C16orf96: variants seen among roughly 807,000 people sequenced by gnomAD.
C16orf96 encodes uncharacterized protein C16orf96.
In C16orf96, 108 loss-of-function variants were observed where a neutral mutation model predicts 103.6. The observed-to-expected ratio is 1.04, with a 90% confidence interval of 0.89 to 1.22. C16orf96 has a LOEUF of 1.22. Among genes scored for constraint, C16orf96 ranks in the 50% most tolerant of loss-of-function variants. The probability of loss-of-function intolerance (pLI) is 0.00; values close to 1 mark genes in which losing one functional copy is unlikely to be tolerated. For missense variants in C16orf96, 1,586 were observed against 1,464.2 expected, an observed-to-expected ratio of 1.08 and a Z score of -1.36; for synonymous variants, 566 against 593.5, an observed-to-expected ratio of 0.95 and a Z score of 0.67.
chr16:4,575,217 A>G lies in C16orf96; in HGVS notation c.737A>G (p.Gln246Arg), dbSNP rs1022561873. The change falls in exon 5 of 16, where the codon CAG (glutamine) becomes CGG (arginine). Residue 246 changes from glutamine (Q) to arginine (R), a missense_variant. Coordinates refer to ENST00000444310, the MANE Select transcript of C16orf96 (RefSeq NM_001145011.2). ...SPLDLWQSVE[Q>R]LPEAALAQTT... ...CTGGACCTGTGGCAGTCTGTAGAGC[A>G]GCTCCCAGAGGCTGCCCTGGCCCAG... The G allele has an allele frequency of 2.6e-6, 4 of 1,547,640 alleles. No homozygotes were observed. The highest frequency in any genetic ancestry group is 3.5e-6 in the Non-Finnish European group (4 of 1,146,962).
intron 7 of C16orf96, among the ~76,000 whole-genome samples, chr16:4,583,257 T>TTGGGAGG (rs1349547752): frequency 6.6e-6 from 1 of 150,448 alleles, no homozygotes; most frequent in Non-Finnish European, 1.5e-5. Context: ...TCTCAGCACT[T>TTGGGAGG]TGGGAGGCCA....
rs188168000 is a variant in C16orf96 at position 4,592,012 on chromosome 16, C to A, written c.2711+228C>A. Among the ~76,000 whole-genome samples the A allele has an allele frequency of 5.9e-3, 904 of 152,288 alleles. 5 individuals carry two copies. The highest frequency in any genetic ancestry group is 9.0e-3 in the Admixed American group (137 of 15,304). On this transcript the variant is annotated intron_variant, in intron 10 of 15. Coordinates refer to ENST00000444310, the MANE Select transcript of C16orf96 (RefSeq NM_001145011.2). ...ACCAAGGCTCAGAGAGGGAAGGGGA[C>A]TGGGCAGATCCAGGACCCCTGACCC...
intron 1 of C16orf96, among the ~76,000 whole-genome samples, chr16:4,558,640 C>T (rs2059293279): frequency 6.7e-6 from 1 of 149,600 alleles, no homozygotes; most frequent in African/African-American, 2.4e-5. Context: ...TTTGGCCAGG[C>T]ACAGTGGCGC....
chr16:4,575,189 C>T lies in C16orf96; in HGVS notation c.709C>T (p.Pro237Ser). ...AMFTSEIGSS[P>S]LDLWQSVEQL... is the part of the protein sequence containing the mutation. Reference sequence around the variant, plus strand: ...TCTTCTGCAGGAAATTGGTTCATCACCACTGGACCTGTGGCAGTCTGTAGA... The same window carrying T: ...TCTTCTGCAGGAAATTGGTTCATCATCACTGGACCTGTGGCAGTCTGTAGA... The change falls in exon 5 of 16, where the codon CCA (proline) becomes TCA (serine). Residue 237 changes from proline (P) to serine (S), a missense_variant. Pro to Ser is a moderately conservative substitution (Grantham distance 74). Coordinates refer to ENST00000444310, the MANE Select transcript of C16orf96 (RefSeq NM_001145011.2). The T allele has an allele frequency of 6.5e-7, 1 of 1,546,610 alleles. No homozygotes were observed.
At chr16:4,554,908 C>T (rs1297472619), upstream of C16orf96, among the ~76,000 whole-genome samples, 1 of 151,902 alleles carries the variant, frequency 6.6e-6, no homozygotes, top group East Asian at 2.0e-4. Context: ...GGATTACAGG[C>T]GTGAGCCACC....
At chr16:4,547,689 C>CTTTCTTTCTTTCTTTCTTTCTTTCTTTCT in the C16orf96 span, among the ~76,000 whole-genome samples, 3 of 22,592 alleles carry the variant, frequency 1.3e-4, no homozygotes, top group African/African-American at 3.2e-4. Flanking sequence ...TCCTTCCTTC[C>CTTTCTTTCTTTCTTTCTTTCTTTCTTTCT]TTCTTTCTTT....
intron 2 of C16orf96, among the ~76,000 whole-genome samples, chr16:4,573,390 G>T (rs1281760950): frequency 5.2e-4 from 72 of 138,338 alleles, no homozygotes; most frequent in Non-Finnish European, 3.0e-5. Flanking sequence ...AGTGAGCCAA[G>T]ATTGCGCCAC....
At chr16:4,550,108 C>T in the C16orf96 span, among the ~76,000 whole-genome samples, 7 of 143,556 alleles carry the variant, frequency 4.9e-5, no homozygotes, top group Admixed American at 4.2e-4. Flanking sequence ...TTTTTTGAGA[C>T]AGTTTCACTC....
intron 12 of C16orf96, among the ~76,000 whole-genome samples, chr16:4,594,077 G>A (rs950483992): frequency 6.6e-6 from 1 of 152,176 alleles, no homozygotes. Flanking sequence ...CTGGCTCCTT[G>A]AGATCAAGAG....
chr16:4,546,319 C>T, the C16orf96 span, among the ~76,000 whole-genome samples: 3 of 151,988 alleles, frequency 2.0e-5, no homozygotes, highest in Non-Finnish European at 2.9e-5. Flanking sequence ...CTACCGCGCC[C>T]AGCTAATTTT....
the C16orf96 span, among the ~76,000 whole-genome samples, chr16:4,542,635 A>G: frequency 6.6e-6 from 1 of 152,008 alleles, no homozygotes; most frequent in East Asian, 1.9e-4. Flanking sequence ...CGTCTCTACT[A>G]AAAATACAAA....
chr16:4,550,637 ATGTTTACCT>A, the C16orf96 span, among the ~76,000 whole-genome samples: 5 of 152,072 alleles, frequency 3.3e-5, no homozygotes, highest in African/African-American at 7.2e-5. Flanking sequence ...GAACCTGCAA[ATGTTTACCT>A]CCAGCTCCTA....
chr16:4,591,703 T>C lies in C16orf96; in HGVS notation c.2630T>C (p.Met877Thr). The part of the protein sequence containing the change: ...HSDLDPLKKE[M>T]EEVWKIVRKL... Reference sequence around the variant, plus strand: ...GATCTGGATCCCTTGAAGAAAGAAATGGAAGAGGTCTGGAAAATCGTCCGG... The same window carrying C: ...GATCTGGATCCCTTGAAGAAAGAAACGGAAGAGGTCTGGAAAATCGTCCGG... The change falls in exon 10 of 16, where the codon ATG (methionine) becomes ACG (threonine). Residue 877 changes from methionine (M) to threonine (T), a missense_variant. Physicochemically the swap from Met to Thr is moderately conservative, Grantham distance 81. Coordinates refer to ENST00000444310, the MANE Select transcript of C16orf96 (RefSeq NM_001145011.2). 2 of 1,551,594 alleles carry C rather than the reference T, an allele frequency of 1.3e-6. No homozygotes were observed. The highest frequency in any genetic ancestry group is 1.7e-6 in the Non-Finnish European group (2 of 1,146,962).
At chr16:4,563,964 G>T (rs948944267) in intron 1 of C16orf96, among the ~76,000 whole-genome samples, 8 of 151,008 alleles carry the variant, frequency 5.3e-5, no homozygotes, top group Admixed American at 3.3e-4. Flanking sequence ...TTCGGAGGCC[G>T]AAGTGGGCGG....
intron 1 of C16orf96, among the ~76,000 whole-genome samples, chr16:4,567,363 A>C (rs1338556026): frequency 6.2e-5 from 9 of 145,268 alleles, no homozygotes; most frequent in Non-Finnish European, 1.0e-4. Context: ...GGCTCACTGC[A>C]AGCTCAGACT....
At chr16:4,540,459 G>A in the C16orf96 span, among the ~76,000 whole-genome samples, 7 of 152,224 alleles carry the variant, frequency 4.6e-5, no homozygotes, top group Middle Eastern at 3.4e-3. Flanking sequence ...CTGGCCAGGC[G>A]TGGTGGCTCA....
chr16:4,568,860 G>A (rs567100318), intron 1 of C16orf96, among the ~76,000 whole-genome samples: 2 of 151,588 alleles, frequency 1.3e-5, no homozygotes, highest in South Asian at 4.2e-4. Context: ...GAACTCCTGG[G>A]CTCAAGTGAT....
At chr16:4,595,647 A>C (rs1289400493) in intron 14 of C16orf96, among the ~76,000 whole-genome samples, 1 of 152,178 alleles carries the variant, frequency 6.6e-6, no homozygotes, top group Non-Finnish European at 1.5e-5. Context: ...CCGGAGCCAC[A>C]AGATGGCCGG....
intron 7 of C16orf96, among the ~76,000 whole-genome samples, chr16:4,581,416 G>A (rs1318662697): frequency 6.6e-6 from 1 of 151,004 alleles, no homozygotes; most frequent in Non-Finnish European, 1.5e-5. Context: ...AGTGGATCAC[G>A]AGTTCAGGAG....
Sources: allele counts gnomAD v4.1 joint callset (sites outside exome capture counted in the v4.1 genomes callset), GRCh38; gene constraint gnomAD v4.1.1; transcripts MANE v1.5; gene names NCBI Gene and HGNC (gene_info 2026-07-23, HGNC 2026-07-21).